C8orf34: variants seen among roughly 807,000 people sequenced by gnomAD.
The protein encoded by C8orf34 is uncharacterized protein C8orf34.
A neutral mutation model predicts 68.3 loss-of-function variants in C8orf34; 65 were observed. The observed-to-expected ratio is 0.95, with a 90% CI of 0.78 to 1.17. The LOEUF is 1.17. Among genes scored for constraint, C8orf34 ranks in the 50% most tolerant of loss-of-function variants. The pLI is 0.00. For missense variants in C8orf34, 664 were observed against 655.4 expected, an observed-to-expected ratio of 1.01 and a Z score of -0.14; for synonymous variants, 244 against 241.2, an observed-to-expected ratio of 1.01 and a Z score of -0.11.
At position 68,597,231 on chromosome 8, in the gene C8orf34, C is replaced by T. The variant is rs1443067253; in HGVS notation, c.1106-43145C>T. Among the ~76,000 whole-genome samples the T allele has an allele frequency of 5.3e-5, 8 of 152,088 alleles. No homozygotes were observed. The East Asian group carries it at 5.8e-4, about 11-fold the overall frequency. ...CAGGATACCCCCTTGGAACAAGCAG[C>T]GAAGATGACACCAAGAGTCACCTGT... On this transcript the variant is annotated intron_variant, in intron 7 of 13. Coordinates refer to ENST00000518698, the MANE Select transcript of C8orf34 (RefSeq NM_052958.4).
intron 1 of C8orf34, among the ~76,000 whole-genome samples, chr8:68,360,373 A>C (rs1347529748): frequency 6.6e-6 from 1 of 152,186 alleles, no homozygotes; most frequent in Admixed American, 6.5e-5. Flanking sequence ...CTGTTTGGCC[A>C]CTTCCTGTGG....
intron 7 of C8orf34, among the ~76,000 whole-genome samples, chr8:68,578,113 C>T (rs1816960635): frequency 1.3e-5 from 2 of 151,518 alleles, no homozygotes; most frequent in Admixed American, 6.6e-5. Context: ...AGGAACGAAG[C>T]GAGAGAAGGA....
chr8:68,633,879 T>C (rs1818763135), intron 7 of C8orf34, among the ~76,000 whole-genome samples: 1 of 152,016 alleles, frequency 6.6e-6, no homozygotes, highest in Admixed American at 6.5e-5. Context: ...GGAGTTTTTT[T>C]TTTTTATTTT....
intron 1 of C8orf34, among the ~76,000 whole-genome samples, chr8:68,418,307 C>T (rs1809770683): frequency 1.3e-5 from 2 of 149,502 alleles, no homozygotes; most frequent in African/African-American, 5.0e-5. Flanking sequence ...GCCTAATTGC[C>T]CTGGCCAGAA....
chr8:68,471,925 AACACACACACAC>A (rs10596354), intron 4 of C8orf34, among the ~76,000 whole-genome samples: 103 of 147,450 alleles, frequency 7.0e-4, no homozygotes, highest in East Asian at 2.2e-3. Flanking sequence ...GACTTAAATG[AACACACACACAC>A]ACACACACAC....
intron 7 of C8orf34, among the ~76,000 whole-genome samples, chr8:68,561,252 G>A (rs117417840): frequency 0.017 from 2,613 of 152,024 alleles, 40 homozygotes; most frequent in Admixed American, 0.034. Context: ...CAAAGTGCTA[G>A]GATTACAGGC....
At chr8:68,374,331 T>C (rs887176848) in intron 1 of C8orf34, among the ~76,000 whole-genome samples, 1 of 152,150 alleles carries the variant, frequency 6.6e-6, no homozygotes, top group Admixed American at 6.6e-5. Context: ...TAAGGTAAGA[T>C]GGGAGCTTTT....
At chr8:68,552,142 T>G (rs1816094871) in intron 7 of C8orf34, among the ~76,000 whole-genome samples, 1 of 152,172 alleles carries the variant, frequency 6.6e-6, no homozygotes, top group Non-Finnish European at 1.5e-5. Context: ...CTATGTGATA[T>G]GTTTGGAAAT....
chr8:68,402,740 GTTACAGTT>G (rs779720342), intron 1 of C8orf34, among the ~76,000 whole-genome samples: 31 of 152,010 alleles, frequency 2.0e-4, no homozygotes, highest in Non-Finnish European at 3.8e-4. Context: ...TTGATATTGA[GTTACAGTT>G]TTATTCTGTT....
chr8:68,816,103 A>AGTGTGTGTGTGT (rs200556315), intron 13 of C8orf34, among the ~76,000 whole-genome samples, 158 bp downstream of exon 13: 2 of 104,560 alleles, frequency 1.9e-5, no homozygotes, highest in African/African-American at 8.3e-5. Flanking sequence ...AGATTTCCTA[A>AGTGTGTGTGTGT]GAGTGTGTGT....
intron 12 of C8orf34, among the ~76,000 whole-genome samples, chr8:68,806,039 A>G (rs895793426): frequency 1.3e-5 from 2 of 151,958 alleles, no homozygotes; most frequent in African/African-American, 4.8e-5. Flanking sequence ...GCAACAATGT[A>G]TTGTTTAATG....
At chr8:68,414,676 A>G (rs1454490607) in intron 1 of C8orf34, among the ~76,000 whole-genome samples, 4 of 152,158 alleles carry the variant, frequency 2.6e-5, no homozygotes, top group African/African-American at 7.2e-5. Flanking sequence ...CTACAGTAGG[A>G]TGAGGGTTGT....
chr8:68,637,256 T>C (rs937830549), intron 7 of C8orf34, among the ~76,000 whole-genome samples: 1 of 152,126 alleles, frequency 6.6e-6, no homozygotes, highest in Non-Finnish European at 1.5e-5. Context: ...TGTCTTATAG[T>C]CTTCTGTTTG....
intron 10 of C8orf34, among the ~76,000 whole-genome samples, chr8:68,731,450 A>G (rs1248645698): frequency 2.0e-5 from 3 of 152,308 alleles, no homozygotes; most frequent in South Asian, 4.1e-4. Context: ...GATTATGTTT[A>G]TATGTTTATA....
At chr8:68,605,445 C>T (rs2130527362) in intron 7 of C8orf34, among the ~76,000 whole-genome samples, 1 of 152,100 alleles carries the variant, frequency 6.6e-6, no homozygotes, top group Non-Finnish European at 1.5e-5. Flanking sequence ...ATTTTCAAAC[C>T]TCGGAAGAAA....
chr8:68,784,824 G>GTGTGTT (rs1823800412), intron 11 of C8orf34, among the ~76,000 whole-genome samples: 1 of 151,748 alleles, frequency 6.6e-6, no homozygotes, highest in Non-Finnish European at 1.5e-5. Flanking sequence ...GTGTGTGTGT[G>GTGTGTT]TGTTTTCGAG....
intron 13 of C8orf34, 137 bp from the exon 14 acceptor site, chr8:68,818,102 G>A (rs1402581140): frequency 4.1e-6 from 3 of 724,526 alleles, no homozygotes; most frequent in Non-Finnish European, 7.1e-6. Context: ...AATAGAGGTA[G>A]TATTCTAATG....
chr8:68,775,881 AT>A (rs1823501216), intron 10 of C8orf34, among the ~76,000 whole-genome samples: 1 of 152,200 alleles, frequency 6.6e-6, no homozygotes, highest in African/African-American at 2.4e-5. Context: ...GGAAGCCATT[AT>A]CCTCAGCAAA....
intron 7 of C8orf34, chr8:68,533,523 G>T (rs1323685530): frequency 1.0e-6 from 1 of 987,850 alleles, no homozygotes; most frequent in Admixed American, 6.1e-5. Flanking sequence ...ACATATTTCA[G>T]CCCTCACTCC....
Sources: gnomAD v4.1 joint callset for allele counts (sites outside exome capture counted in the v4.1 genomes callset) on GRCh38, gnomAD v4.1.1 for gene constraint, MANE v1.5 for transcripts, NCBI Gene and HGNC (gene_info 2026-07-23, HGNC 2026-07-21) for gene names.